The following ADGRB3 variants were observed in gnomAD, a reference collection of about 807,000 sequenced individuals.
ADGRB3 encodes brain-specific angiogenesis inhibitor 3.
ADGRB3 carries 37 observed loss-of-function variants against 193.4 expected under a neutral mutation model. The ratio of observed to expected loss-of-function variants is 0.19; its 90% CI spans 0.15 to 0.25. The LOEUF is 0.25. Among genes scored for constraint, ADGRB3 ranks in the 10% least tolerant of loss-of-function variants. The pLI is 1.00. For missense variants in ADGRB3, 1,637 were observed against 1,852.9 expected (o/e 0.88, Z 2.14); for synonymous variants, 690 against 644.2 (o/e 1.07, Z -1.08).
rs1454948215 is a variant in ADGRB3 at position 69,137,591 on chromosome 6, G to A, written c.2480+61553G>A. On this transcript the variant is annotated intron_variant, in intron 17 of 31. Transcript: ENST00000370598. The stretch of plus-strand genomic sequence containing the variant: ...AGGTGGGCAGATCACAAGGTCAGGA[G>A]TTCAAGAGCATCCTGGCCAATATGA... 5.3e-5 allele frequency among the ~76,000 whole-genome samples: 8 copies of A among 152,140 alleles called. No individual in the cohort carries two copies. The East Asian group carries it at 1.3e-3, about 26-fold the overall frequency.
At chr6:69,084,374 A>G (rs1017209853) in intron 17 of ADGRB3, among the ~76,000 whole-genome samples, 1 of 152,190 alleles carries the variant, frequency 6.6e-6, no homozygotes, top group Non-Finnish European at 1.5e-5. Context: ...AAACAAAGCA[A>G]ACTACCAAAT....
intron 20 of ADGRB3, among the ~76,000 whole-genome samples, chr6:69,267,831 T>C (rs764490351): frequency 6.2e-4 from 94 of 152,104 alleles, no homozygotes; most frequent in Non-Finnish European, 1.1e-3. Context: ...TTGAGTTTTT[T>C]CCCGACATCT....
intron 17 of ADGRB3, among the ~76,000 whole-genome samples, chr6:69,110,047 A>C (rs947962991): frequency 4.0e-5 from 6 of 150,704 alleles, no homozygotes; most frequent in Non-Finnish European, 7.4e-5. Context: ...TCCCGGGTTC[A>C]AGCGATTCTC....
chr6:68,744,464 A>G (rs1333557487), intron 3 of ADGRB3, among the ~76,000 whole-genome samples: 2 of 152,186 alleles, frequency 1.3e-5, no homozygotes, highest in Non-Finnish European at 2.9e-5. Flanking sequence ...ACTATTTACA[A>G]TAGCAAAGAC....
intron 3 of ADGRB3, among the ~76,000 whole-genome samples, chr6:68,777,400 C>T (rs953415272): frequency 9.9e-5 from 15 of 151,852 alleles, no homozygotes; most frequent in Non-Finnish European, 1.5e-4. Flanking sequence ...TTTTTTTTGG[C>T]AAATTATTTT....
intron 17 of ADGRB3, among the ~76,000 whole-genome samples, chr6:69,110,764 G>A (rs980861188): frequency 6.6e-6 from 1 of 152,126 alleles, no homozygotes; most frequent in African/African-American, 2.4e-5. Flanking sequence ...TGGAAACAGG[G>A]GTTTGTGAAG....
chr6:68,636,850 A>G (rs1272455204), intron 1 of ADGRB3, among the ~76,000 whole-genome samples: 4 of 151,696 alleles, frequency 2.6e-5, no homozygotes, highest in African/African-American at 4.8e-5. Context: ...GTCCCCTTTC[A>G]TGGATGGAAT....
chr6:68,917,483 A>ATT (rs59170997), intron 3 of ADGRB3, among the ~76,000 whole-genome samples: 2 of 151,800 alleles, frequency 1.3e-5, no homozygotes, highest in African/African-American at 4.8e-5. Context: ...GATAATTACT[A>ATT]TTTTTTTTCC....
At chr6:69,141,705 T>C (rs893247247) in intron 17 of ADGRB3, among the ~76,000 whole-genome samples, 1 of 152,170 alleles carries the variant, frequency 6.6e-6, no homozygotes, top group Admixed American at 6.5e-5. Context: ...TCTAAGTTTC[T>C]ACTTTGGATG....
chr6:68,849,817 G>GT (rs1304229643), intron 3 of ADGRB3, among the ~76,000 whole-genome samples: 2 of 151,756 alleles, frequency 1.3e-5, no homozygotes, highest in East Asian at 1.9e-4. Flanking sequence ...TAGTATAGAA[G>GT]TTTTTTTCAA....
At chr6:69,004,155 A>C (rs750489200) in intron 11 of ADGRB3, among the ~76,000 whole-genome samples, 3 of 152,160 alleles carry the variant, frequency 2.0e-5, no homozygotes, top group Non-Finnish European at 4.4e-5. Context: ...TTTATTGAAG[A>C]ATGTTTTGGT....
Position 68,773,555 on chromosome 6 carries a change from T to G in ADGRB3, c.757+134123T>G, listed in dbSNP as rs1766680583. On this transcript the variant is annotated intron_variant, in intron 3 of 31. Transcript: ENST00000370598. ...TAAGTGTTGGCCACTGTACTAACACTAGAGATTTAAAAATGTGATTAAGAT... is the reference window on the plus strand; with the variant it reads ...TAAGTGTTGGCCACTGTACTAACACGAGAGATTTAAAAATGTGATTAAGAT... Among the ~76,000 whole-genome samples the G allele has an allele frequency of 2.6e-5, 4 of 152,282 alleles. No homozygotes were observed. The South Asian group carries it at 8.3e-4, about 32-fold the overall frequency.
At chr6:69,009,685 G>A (rs981346289) in intron 11 of ADGRB3, among the ~76,000 whole-genome samples, 2 of 152,094 alleles carry the variant, frequency 1.3e-5, no homozygotes, top group Admixed American at 1.3e-4. Context: ...AAGCCTTTCT[G>A]TAGTTCACCC....
At chr6:69,147,429 A>G (rs1774535451) in intron 17 of ADGRB3, among the ~76,000 whole-genome samples, 1 of 152,074 alleles carries the variant, frequency 6.6e-6, no homozygotes, top group South Asian at 2.1e-4. Flanking sequence ...ATATCATTGC[A>G]TTTCCATGTT....
chr6:69,140,509 T>G (rs1240270976), intron 17 of ADGRB3, among the ~76,000 whole-genome samples: 2 of 152,096 alleles, frequency 1.3e-5, no homozygotes, highest in Non-Finnish European at 2.9e-5. Context: ...GAGGTGGTGG[T>G]GGGCGCCAGG....
intron 17 of ADGRB3, among the ~76,000 whole-genome samples, chr6:69,088,501 T>C (rs1026810378): frequency 3.9e-5 from 6 of 152,138 alleles, no homozygotes; most frequent in African/African-American, 1.4e-4. Context: ...GCCTCCCAAG[T>C]AGCTGGGACT....
At position 68,980,001 on chromosome 6, in the gene ADGRB3, C is replaced by A. The variant is rs1161510934; in HGVS notation, c.1734+4661C>A. ...GGGAGTTGATCCAAGCATACCAATG[C>A]TTTCTCCTAAATTTATTGGACAGGT... On this transcript the variant is annotated intron_variant, in intron 10 of 31. Coordinates refer to ENST00000370598, the MANE Select transcript of ADGRB3 (RefSeq NM_001704.3). Among the ~76,000 whole-genome samples the A allele has an allele frequency of 1.3e-5, 2 of 151,458 alleles. 1 individual carries two copies. The highest frequency in any genetic ancestry group is 3.0e-5 in the Non-Finnish European group (2 of 67,644).
intron 29 of ADGRB3, 139 bp from the exon 30 acceptor site, chr6:69,372,267 C>A: frequency 4.8e-6 from 2 of 414,600 alleles, no homozygotes; most frequent in Non-Finnish European, 8.8e-6. Context: ...TGAAATTTTA[C>A]ATTTTTCCTT....
At chr6:68,770,376 C>G (rs1367762520) in intron 3 of ADGRB3, among the ~76,000 whole-genome samples, 4 of 152,126 alleles carry the variant, frequency 2.6e-5, no homozygotes, top group Non-Finnish European at 4.4e-5. Context: ...TCATTAGCAT[C>G]TGAAACCTAA....
Sources: allele counts gnomAD v4.1 joint callset (sites outside exome capture counted in the v4.1 genomes callset), GRCh38; gene constraint gnomAD v4.1.1; transcripts MANE v1.5; gene names NCBI Gene and HGNC (gene_info 2026-07-23, HGNC 2026-07-21).